OXR1: variants seen among roughly 807,000 people sequenced by gnomAD.
OXR1 encodes the protein oxidation resistance protein 1.
A neutral mutation model predicts 104.6 loss-of-function variants in OXR1; 41 were observed. That is an observed-to-expected ratio of 0.39 (90% CI 0.31 to 0.51). The LOEUF is 0.51. Among genes scored for constraint, OXR1 ranks in the 20% least tolerant of loss-of-function variants. The pLI is 0.77. For missense variants in OXR1, 955 were observed against 1,031.9 expected (o/e 0.93, Z 1.02); for synonymous variants, 348 against 348.4 (o/e 1.00, Z 0.01).
chr8:106,663,741 C>T (rs959107881), intron 3 of OXR1, among the ~76,000 whole-genome samples: 1 of 152,158 alleles, frequency 6.6e-6, no homozygotes, highest in Non-Finnish European at 1.5e-5. Context: ...TTATTGTGAA[C>T]TGCACATGCA....
chr8:106,517,219 A>G (rs1343521807), intron 2 of OXR1, among the ~76,000 whole-genome samples: 1 of 152,224 alleles, frequency 6.6e-6, no homozygotes, highest in African/African-American at 2.4e-5. Context: ...CCCAATGTTT[A>G]GCCTACCATT....
chr8:106,573,338 AT>A (rs1817606738), intron 3 of OXR1, among the ~76,000 whole-genome samples: 1 of 94,696 alleles, frequency 1.1e-5, no homozygotes, highest in Non-Finnish European at 2.1e-5. Context: ...ACAATTAACC[AT>A]CACATACACA....
At chr8:106,747,808 G>A (rs1471356504) in intron 16 of OXR1, among the ~76,000 whole-genome samples, 2 of 152,084 alleles carry the variant, frequency 1.3e-5, no homozygotes, top group African/African-American at 4.8e-5. Flanking sequence ...AGAAAATTCA[G>A]GTTACCTTGG....
chr8:106,300,149 T>C (rs1356677964), intron 1 of OXR1, among the ~76,000 whole-genome samples: 1 of 152,158 alleles, frequency 6.6e-6, no homozygotes, highest in Non-Finnish European at 1.5e-5. Flanking sequence ...TGGAGATATT[T>C]GAAACAATTC....
chr8:106,707,628 C>T (rs1269700811), intron 9 of OXR1: 5 of 174,426 alleles, frequency 2.9e-5, no homozygotes, highest in African/African-American at 1.2e-4. Flanking sequence ...TCATCATCAT[C>T]ATCTAATTAT....
At chr8:106,585,381 T>A (rs1818552936) in intron 3 of OXR1, among the ~76,000 whole-genome samples, 1 of 152,182 alleles carries the variant, frequency 6.6e-6, no homozygotes, top group South Asian at 2.1e-4. Context: ...TATTTTCCTG[T>A]TATCTCAGGC....
At chr8:106,671,804 AC>A (rs1010890443) in intron 3 of OXR1, among the ~76,000 whole-genome samples, 1 of 116,554 alleles carries the variant, frequency 8.6e-6, no homozygotes, top group African/African-American at 3.4e-5. Flanking sequence ...AACATCACAC[AC>A]CAGGGCCTGT....
chr8:106,320,822 C>T (rs956466587), intron 1 of OXR1, among the ~76,000 whole-genome samples: 4 of 152,104 alleles, frequency 2.6e-5, no homozygotes, highest in Non-Finnish European at 5.9e-5. Flanking sequence ...CAGGCATGTA[C>T]CACCATGCCT....
intron 1 of OXR1, among the ~76,000 whole-genome samples, chr8:106,286,373 GTTTTTTT>G: frequency 7.2e-6 from 1 of 138,182 alleles, no homozygotes; most frequent in Non-Finnish European, 1.6e-5. Flanking sequence ...TTAAGTTAGG[GTTTTTTT>G]TTTTTTTTTT....
intron 11 of OXR1, among the ~76,000 whole-genome samples, chr8:106,716,909 G>A (rs1832318277): frequency 6.6e-6 from 1 of 152,074 alleles, no homozygotes; most frequent in Non-Finnish European, 1.5e-5. Context: ...CTAAAAAAAT[G>A]TTTGTTAAAC....
intron 3 of OXR1, among the ~76,000 whole-genome samples, chr8:106,572,842 C>T (rs1438752517): frequency 6.6e-6 from 1 of 152,144 alleles, no homozygotes; most frequent in Non-Finnish European, 1.5e-5. Flanking sequence ...GTTACAGCAG[C>T]CCCTTCTTAT....
At chr8:106,716,528 G>A (rs1832269244) in intron 11 of OXR1, among the ~76,000 whole-genome samples, 1 of 86,446 alleles carries the variant, frequency 1.2e-5, no homozygotes, top group Non-Finnish European at 2.3e-5. Context: ...GGAGGCTGAG[G>A]CAGGAGAATG....
intron 2 of OXR1, among the ~76,000 whole-genome samples, chr8:106,393,784 A>G (rs1404849366): frequency 6.6e-6 from 1 of 152,030 alleles, no homozygotes; most frequent in Non-Finnish European, 1.5e-5. Flanking sequence ...TAATTCTATA[A>G]TGATCTTCAT....
Position 106,751,080 on chromosome 8 carries a change from A to G in OXR1, c.*139A>G. 1 of 605,290 alleles carries G rather than the reference A, an allele frequency of 1.7e-6. No individual in the cohort carries two copies. The highest frequency in any genetic ancestry group is 2.7e-6 in the Non-Finnish European group (1 of 368,844). The allele number at this position is 605,290 out of a possible 1,614,324, so 37.5% of individuals were successfully genotyped here. A position where few individuals can be genotyped will look rare whatever the true frequency, so the allele number is the denominator to read the frequency against. On this transcript the variant is annotated 3_prime_UTR_variant, in exon 17 of 17. Transcript: ENST00000517566. ...GTCTGTATCACCATTTATTACAGTT[A>G]TAATTTTGGAGTTTATTTTTCAAAT...
At chr8:106,741,440 A>G (rs1302119280) in intron 14 of OXR1, among the ~76,000 whole-genome samples, 1 of 152,144 alleles carries the variant, frequency 6.6e-6, no homozygotes, top group Non-Finnish European at 1.5e-5. Flanking sequence ...GTCTGAATGA[A>G]TGTTGCATGG....
At chr8:106,321,624 T>C (rs1476092051) in intron 1 of OXR1, among the ~76,000 whole-genome samples, 1 of 152,124 alleles carries the variant, frequency 6.6e-6, no homozygotes, top group African/African-American at 2.4e-5. Context: ...AAAATTAGAG[T>C]GTAGCCCCTC....
rs971913939 is a variant in OXR1, at chr8:106,750,931, C to G, written c.2612C>G (p.Ala871Gly). 6.2e-7 allele frequency: 1 copy of G among 1,600,734 alleles called. No homozygotes were observed. Among genetic ancestry groups the G allele is most frequent in the African/African-American group, 1.4e-5 (1 of 73,988 alleles). Residue 871 changes from alanine to glycine, a missense_variant, in exon 17 of 17, where the codon GCT (alanine) becomes GGT (glycine). Coordinates refer to ENST00000517566, the MANE Select transcript of OXR1 (RefSeq NM_001198533.2). ...TTTATCCAAGATATTGAAATCTGGG[C>G]TTTTGAATAAATAAAATGCTCTCTG... ...DFFIQDIEIW[A>G]FE is the part of the protein sequence containing the mutation.
chr8:106,695,233 A>G (rs955398187), intron 7 of OXR1, among the ~76,000 whole-genome samples: 4 of 151,324 alleles, frequency 2.6e-5, no homozygotes, highest in Non-Finnish European at 4.4e-5. Context: ...TATTCCCTAC[A>G]CTTGTCATTC....
intron 1 of OXR1, among the ~76,000 whole-genome samples, chr8:106,335,581 C>G (rs1176701119): frequency 6.6e-6 from 1 of 151,888 alleles, no homozygotes; most frequent in African/African-American, 2.4e-5. Context: ...CCCATTCTAT[C>G]TGCTTGGTTA....
Sources: gnomAD v4.1 joint callset for allele counts (sites outside exome capture counted in the v4.1 genomes callset) on GRCh38, gnomAD v4.1.1 for gene constraint, MANE v1.5 for transcripts, NCBI Gene and HGNC (gene_info 2026-07-23, HGNC 2026-07-21) for gene names.